The following PPP1R12A variants were observed in gnomAD, a reference collection of about 807,000 sequenced individuals.
The protein encoded by PPP1R12A is protein phosphatase 1 regulatory subunit 12A.
In PPP1R12A, 19 loss-of-function variants were observed where a neutral mutation model predicts 139.6. That is an observed-to-expected ratio of 0.14 (90% CI 0.09 to 0.20). The LOEUF is 0.20. PPP1R12A is among the 10% of genes least tolerant of loss of function. PPP1R12A has a pLI of 1.00. For synonymous variants in PPP1R12A, 427 were observed against 420.6 expected, an observed-to-expected ratio of 1.02 and a Z score of -0.19; for missense variants, 925 against 1,211.5, an observed-to-expected ratio of 0.76 and a Z score of 3.51.
chr12:79,898,378 C>A (rs1885323585), intron 1 of PPP1R12A, among the ~76,000 whole-genome samples: 1 of 152,160 alleles, frequency 6.6e-6, no homozygotes, highest in Non-Finnish European at 1.5e-5. Flanking sequence ...ACTGCTTGAA[C>A]CCGGGACGTG....
intron 1 of PPP1R12A, among the ~76,000 whole-genome samples, chr12:79,930,790 TA>T (rs1047409021): frequency 2.2e-4 from 34 of 151,430 alleles, no homozygotes; most frequent in African/African-American, 7.5e-4. Context: ...TAAAATAAAA[TA>T]AAATAATAAA....
intron 3 of PPP1R12A, among the ~76,000 whole-genome samples, chr12:79,844,831 T>G (rs954322040): frequency 6.6e-6 from 1 of 152,168 alleles, no homozygotes; most frequent in African/African-American, 2.4e-5. Flanking sequence ...TCTAGCTGCT[T>G]CTCTGCATAT....
At chr12:79,812,337 CCTT>C (rs1270143918) in intron 9 of PPP1R12A, among the ~76,000 whole-genome samples, 1 of 149,660 alleles carries the variant, frequency 6.7e-6, no homozygotes, top group African/African-American at 2.5e-5. Flanking sequence ...ACTATCTTCA[CCTT>C]CTTTTTCTTT....
chr12:79,899,481 T>C (rs1885440104), intron 1 of PPP1R12A, among the ~76,000 whole-genome samples: 1 of 152,072 alleles, frequency 6.6e-6, no homozygotes, highest in African/African-American at 2.4e-5. Context: ...AATGGAATCT[T>C]AGAACGTATC....
At chr12:79,846,596 ATTTTTTTT>A (rs74933339) in intron 2 of PPP1R12A, among the ~76,000 whole-genome samples, 1 of 127,706 alleles carries the variant, frequency 7.8e-6, no homozygotes, top group Non-Finnish European at 1.6e-5. Context: ...CGCGTGGCTC[ATTTTTTTT>A]TTTTTTTTTT....
chr12:79,814,372 G>A (rs1346725094), intron 9 of PPP1R12A, among the ~76,000 whole-genome samples: 1 of 150,858 alleles, frequency 6.6e-6, no homozygotes, highest in African/African-American at 2.4e-5. Context: ...GGCTACTTGG[G>A]AGGCTGAGGC....
intron 14 of PPP1R12A, among the ~76,000 whole-genome samples, chr12:79,800,533 T>C (rs1872986430): frequency 1.3e-5 from 2 of 151,750 alleles, no homozygotes; most frequent in Non-Finnish European, 2.9e-5. Flanking sequence ...TGGTAGGCTA[T>C]TAATTTAGAT....
At chr12:79,817,329 T>G in intron 9 of PPP1R12A, 65 bp downstream of exon 9, 1 of 1,446,970 alleles carries the variant, frequency 6.9e-7, no homozygotes, top group Admixed American at 2.1e-5. Flanking sequence ...ATTACTTTAA[T>G]GAGTTAGTCC....
intron 2 of PPP1R12A, among the ~76,000 whole-genome samples, chr12:79,863,163 C>T (rs181752209): frequency 2.0e-4 from 30 of 152,268 alleles, no homozygotes; most frequent in African/African-American, 5.1e-4. Context: ...GGCCGATATT[C>T]AACATTCTTA....
chr12:79,825,380 G>C (rs1172894933), intron 5 of PPP1R12A: 1 of 151,956 alleles, frequency 6.6e-6, no homozygotes, highest in African/African-American at 2.4e-5. Context: ...AACAATATTA[G>C]ATACATTCTA....
At chr12:79,837,974 C>G (rs1398730698) in intron 3 of PPP1R12A, among the ~76,000 whole-genome samples, 1 of 152,084 alleles carries the variant, frequency 6.6e-6, no homozygotes, top group Non-Finnish European at 1.5e-5. Context: ...TAAAGATACC[C>G]AAAAAATGTG....
chr12:79,898,884 A>T (rs1885370945), intron 1 of PPP1R12A, among the ~76,000 whole-genome samples: 1 of 152,216 alleles, frequency 6.6e-6, no homozygotes, highest in African/African-American at 2.4e-5. Flanking sequence ...AAACATTTTT[A>T]AAATTTCCTT....
At chr12:79,817,303 A>G in intron 9 of PPP1R12A, 91 bp downstream of exon 9, 1 of 1,196,318 alleles carries the variant, frequency 8.4e-7, no homozygotes, top group Non-Finnish European at 1.2e-6. Flanking sequence ...TTTGGAACAG[A>G]CTATAAAAAT....
At chr12:79,814,815 C>CAAAAA (rs149384466) in intron 9 of PPP1R12A, among the ~76,000 whole-genome samples, 4 of 69,746 alleles carry the variant, frequency 5.7e-5, no homozygotes, top group Admixed American at 2.2e-4. Context: ...AACTCTGTCT[C>CAAAAA]AAAAAAAAAA....
rs368041542 is a variant in PPP1R12A, at chr12:79,919,386, C to T, written c.237+15309G>A. ...CCTGACCAACATGGTGAAACCCCAT[C>T]TCTACTAAAAATACAAAAATTAGCC... On this transcript the variant is annotated intron_variant, in intron 1 of 24. Coordinates refer to ENST00000450142, the MANE Select transcript of PPP1R12A (RefSeq NM_002480.3). Among the ~76,000 whole-genome samples, 786 of 151,946 alleles carry T rather than the reference C, an allele frequency of 5.2e-3. 5 individuals are homozygous for T. Among genetic ancestry groups the T allele is most frequent in the African/African-American group, 0.018 (746 of 41,474 alleles).
intron 8 of PPP1R12A, among the ~76,000 whole-genome samples, chr12:79,818,172 C>A (rs1182672162): frequency 6.6e-6 from 1 of 152,148 alleles, no homozygotes; most frequent in Non-Finnish European, 1.5e-5. Context: ...AATGAAAAGA[C>A]AAAATACCTT....
intron 1 of PPP1R12A, among the ~76,000 whole-genome samples, chr12:79,930,725 T>C (rs1272235186): frequency 2.0e-5 from 3 of 152,086 alleles, no homozygotes; most frequent in Admixed American, 1.3e-4. Flanking sequence ...TGAGCCAAGA[T>C]AGCGCCATTG....
intron 2 of PPP1R12A, among the ~76,000 whole-genome samples, chr12:79,845,854 A>T (rs554725258): frequency 6.4e-4 from 97 of 152,352 alleles, no homozygotes; most frequent in African/African-American, 1.9e-3. Flanking sequence ...TATATTTCCT[A>T]ATTTTTCTAT....
intron 2 of PPP1R12A, among the ~76,000 whole-genome samples, chr12:79,868,954 T>G (rs1882278711): frequency 6.6e-6 from 1 of 152,200 alleles, no homozygotes. Context: ...AGTAGTAACA[T>G]TCTTAAGAAT....
Sources: allele counts gnomAD v4.1 joint callset (sites outside exome capture counted in the v4.1 genomes callset), GRCh38; gene constraint gnomAD v4.1.1; transcripts MANE v1.5; gene names NCBI Gene and HGNC (gene_info 2026-07-23, HGNC 2026-07-21).